Variants in FRMD5 observed in about 807,000 individuals in gnomAD.
FRMD5 encodes the protein FERM domain-containing protein 5.
FRMD5 carries 20 observed loss-of-function variants against 69.0 expected under a neutral mutation model. The observed-to-expected ratio is 0.29, with a 90% CI of 0.20 to 0.42. The LOEUF is 0.42. Among genes scored for constraint, FRMD5 ranks in the 10% least tolerant of loss-of-function variants. FRMD5 has a pLI of 1.00. For missense variants in FRMD5, 595 were observed against 708.6 expected (o/e 0.84, Z 1.82); for synonymous variants, 271 against 260.1 (o/e 1.04, Z -0.40).
At chr15:44,134,535 G>A (rs530658033) in intron 1 of FRMD5, among the ~76,000 whole-genome samples, 5 of 152,094 alleles carry the variant, frequency 3.3e-5, no homozygotes, top group East Asian at 1.9e-4. Context: ...TGCAACCTCC[G>A]CCTCCCAGGC....
intron 1 of FRMD5, chr15:43,989,654 C>G (rs372618400): frequency 8.8e-6 from 8 of 905,934 alleles, no homozygotes; most frequent in African/African-American, 1.6e-5. Flanking sequence ...CAGGCACACA[C>G]GCAGGATGGC....
intron 1 of FRMD5, among the ~76,000 whole-genome samples, chr15:44,075,768 CT>C (rs1449165282): frequency 6.6e-6 from 1 of 152,142 alleles, no homozygotes. Context: ...ATTCACTCCC[CT>C]GATATGAGAG....
At chr15:43,977,022 C>G (rs532295082) in intron 1 of FRMD5, among the ~76,000 whole-genome samples, 101 of 152,020 alleles carry the variant, frequency 6.6e-4, no homozygotes, top group African/African-American at 2.4e-3. Context: ...TTAGTAGAAA[C>G]AGGGTTTCAC....
In FRMD5 at chr15:44,071,986, C is replaced by T. The variant is rs142751050; in HGVS notation, c.102+122967G>A. 2.2e-3 allele frequency among the ~76,000 whole-genome samples: 341 copies of T among 152,192 alleles called. 1 individual carries two copies. The highest frequency in any genetic ancestry group is 7.7e-3 in the African/African-American group (319 of 41,530). On this transcript the variant is annotated intron_variant, in intron 1 of 13. Transcript: ENST00000417257. ...GTCCAAGTGATTCTCCTGCCTCAGCCTCTTGAATAGCTGGGATTACAGGCG... is the reference window on the plus strand; with the variant it reads ...GTCCAAGTGATTCTCCTGCCTCAGCTTCTTGAATAGCTGGGATTACAGGCG...
chr15:44,079,122 T>G (rs1272172276), intron 1 of FRMD5, among the ~76,000 whole-genome samples: 1 of 152,208 alleles, frequency 6.6e-6, no homozygotes, highest in East Asian at 1.9e-4. Flanking sequence ...TAGATATTTC[T>G]CCATCAAAGA....
intron 1 of FRMD5, among the ~76,000 whole-genome samples, chr15:44,015,441 C>G (rs771638881): frequency 6.6e-6 from 1 of 151,828 alleles, no homozygotes; most frequent in Non-Finnish European, 1.5e-5. Flanking sequence ...CGTGCCTGGC[C>G]CTGAAGGTAT....
intron 1 of FRMD5, among the ~76,000 whole-genome samples, chr15:43,928,110 A>T (rs1022670688): frequency 6.6e-6 from 1 of 152,224 alleles, no homozygotes; most frequent in Non-Finnish European, 1.5e-5. Flanking sequence ...CTACAGCTAC[A>T]TAAAAAAGAC....
intron 1 of FRMD5, among the ~76,000 whole-genome samples, chr15:43,926,327 G>A (rs891270366): frequency 1.3e-5 from 2 of 152,140 alleles, no homozygotes; most frequent in African/African-American, 4.8e-5. Flanking sequence ...ATCATCTCTG[G>A]CGGGTCTATG....
intron 4 of FRMD5, among the ~76,000 whole-genome samples, chr15:43,914,014 C>T (rs963614474): frequency 6.6e-6 from 1 of 152,162 alleles, no homozygotes; most frequent in African/African-American, 2.4e-5. Context: ...AGGGGCTTTA[C>T]CTCACCTCCA....
intron 1 of FRMD5, among the ~76,000 whole-genome samples, chr15:44,180,175 T>C (rs1439957837): frequency 2.6e-5 from 4 of 152,156 alleles, no homozygotes; most frequent in Admixed American, 6.5e-5. Context: ...GTTATTTCAC[T>C]TGTCTAAGCC....
At chr15:43,879,670 T>C (rs981175742) in intron 13 of FRMD5, 1 of 399,118 alleles carries the variant, frequency 2.5e-6, no homozygotes, top group Non-Finnish European at 4.4e-6. Context: ...CTCTTCCCCA[T>C]GGTGGCCCAG....
At chr15:44,060,032 G>A (rs1893026750) in intron 1 of FRMD5, among the ~76,000 whole-genome samples, 1 of 152,212 alleles carries the variant, frequency 6.6e-6, no homozygotes, top group Non-Finnish European at 1.5e-5. Flanking sequence ...CTGACAATGT[G>A]TACGACACAA....
chr15:44,115,596 C>G (rs999604840), intron 1 of FRMD5, among the ~76,000 whole-genome samples: 5 of 152,078 alleles, frequency 3.3e-5, no homozygotes, highest in African/African-American at 1.2e-4. Flanking sequence ...AGATGATAGA[C>G]TTTATGCACA....
chr15:44,136,746 G>A (rs2077192593), intron 1 of FRMD5, among the ~76,000 whole-genome samples: 1 of 152,030 alleles, frequency 6.6e-6, no homozygotes. Context: ...GCAATGTTAT[G>A]GTTGAGACAA....
intron 1 of FRMD5, among the ~76,000 whole-genome samples, chr15:44,027,500 C>G (rs1023185028): frequency 6.6e-6 from 1 of 152,160 alleles, no homozygotes; most frequent in African/African-American, 2.4e-5. Flanking sequence ...GGATTCAGGT[C>G]AGGGGCAGCT....
intron 1 of FRMD5, among the ~76,000 whole-genome samples, chr15:44,039,769 C>T (rs1892104737): frequency 6.6e-6 from 1 of 152,060 alleles, no homozygotes; most frequent in Admixed American, 6.6e-5. Flanking sequence ...GTCTCTTCTC[C>T]TCCAGAGGAT....
In FRMD5 at chr15:43,919,757, G is replaced by A. The variant is rs1303889458; in HGVS notation, c.250+10C>T. 1.2e-6 allele frequency: 2 copies of A among 1,613,410 alleles called. No individual in the cohort carries two copies. Among genetic ancestry groups the A allele is most frequent in the Non-Finnish European group, 1.7e-6 (2 of 1,179,322 alleles). ...GGTGTGGCTTGAGTCTTTTCATGGA[G>A]AATACTTACATCTCAATTGTTTCAC... On this transcript the variant is annotated intron_variant, in intron 3 of 13. Transcript: ENST00000417257.
chr15:44,028,946 G>A (rs1326794055), intron 1 of FRMD5, among the ~76,000 whole-genome samples: 1 of 152,192 alleles, frequency 6.6e-6, no homozygotes, highest in East Asian at 1.9e-4. Context: ...CATTGACAAA[G>A]AAGTGACATT....
chr15:44,099,993 C>T (rs2076613714), intron 1 of FRMD5, among the ~76,000 whole-genome samples: 1 of 151,850 alleles, frequency 6.6e-6, no homozygotes, highest in African/African-American at 2.4e-5. Context: ...TGAGTCTAGC[C>T]ACACAAAAGC....
Sources: gnomAD v4.1 joint callset for allele counts (sites outside exome capture counted in the v4.1 genomes callset) on GRCh38, gnomAD v4.1.1 for gene constraint, MANE v1.5 for transcripts, NCBI Gene and HGNC (gene_info 2026-07-23, HGNC 2026-07-21) for gene names.